Variants in MACROD2 observed in about 807,000 individuals in gnomAD.
MACROD2 encodes ADP-ribose glycohydrolase MACROD2.
Under a neutral mutation model 70.4 loss-of-function variants are expected in MACROD2, and 36 were observed. The observed-to-expected ratio is 0.51, with a 90% CI of 0.39 to 0.68. MACROD2 has a LOEUF of 0.68. MACROD2 is among the 30% of genes least tolerant of loss of function. The pLI is 0.00. For missense variants in MACROD2, 496 were observed against 538.4 expected (o/e 0.92, Z 0.78); for synonymous variants, 172 against 178.8 (o/e 0.96, Z 0.30).
At chr20:14,456,710 G>A (rs1008192294) in intron 3 of MACROD2, among the ~76,000 whole-genome samples, 1 of 127,566 alleles carries the variant, frequency 7.8e-6, no homozygotes, top group African/African-American at 2.7e-5. Context: ...TAAGACTCAG[G>A]ATCTTTTTTT....
chr20:14,246,675 T>C (rs2081970454), intron 3 of MACROD2, among the ~76,000 whole-genome samples: 1 of 152,178 alleles, frequency 6.6e-6, no homozygotes, highest in Admixed American at 6.5e-5. Flanking sequence ...ATTTCCTTTA[T>C]TTACTCTGGT....
At chr20:15,639,986 T>G (rs1450374885) in intron 8 of MACROD2, among the ~76,000 whole-genome samples, 198 of 101,322 alleles carry the variant, frequency 2.0e-3, no homozygotes, top group African/African-American at 3.2e-3. Context: ...AAAGAGGGGG[T>G]GAGAGAGAAG....
chr20:14,479,128 G>C (rs1176157684), intron 3 of MACROD2, among the ~76,000 whole-genome samples: 1 of 152,150 alleles, frequency 6.6e-6, no homozygotes, highest in Non-Finnish European at 1.5e-5. Flanking sequence ...TCTGAGGCCA[G>C]AAGCTTGTTG....
At chr20:14,825,629 G>A (rs1397605658) in intron 5 of MACROD2, among the ~76,000 whole-genome samples, 1 of 152,102 alleles carries the variant, frequency 6.6e-6, no homozygotes, top group Non-Finnish European at 1.5e-5. Context: ...CCTCTTTAAA[G>A]TGGGAGAAGT....
At chr20:14,291,366 T>C (rs1358601480) in intron 3 of MACROD2, among the ~76,000 whole-genome samples, 1 of 152,098 alleles carries the variant, frequency 6.6e-6, no homozygotes. Context: ...GCTTGAGATT[T>C]GGACATAAAT....
chr20:14,367,383 G>A (rs1158606916), intron 3 of MACROD2, among the ~76,000 whole-genome samples: 2 of 152,080 alleles, frequency 1.3e-5, no homozygotes, highest in African/African-American at 2.4e-5. Context: ...ATTTCTTCAC[G>A]TGATTTCAGG....
intron 8 of MACROD2, among the ~76,000 whole-genome samples, chr20:15,746,397 G>T (rs1181228959): frequency 6.6e-6 from 1 of 151,450 alleles, no homozygotes; most frequent in African/African-American, 2.4e-5. Context: ...AAGTTTTTCT[G>T]TACATTATTT....
intron 5 of MACROD2, among the ~76,000 whole-genome samples, chr20:14,830,108 G>A (rs1044031123): frequency 3.3e-5 from 5 of 152,072 alleles, no homozygotes; most frequent in Non-Finnish European, 7.4e-5. Flanking sequence ...AAGATGCAAT[G>A]GGTTTCTAGT....
chr20:14,422,255 A>T (rs1178651857), intron 3 of MACROD2, among the ~76,000 whole-genome samples: 5 of 152,082 alleles, frequency 3.3e-5, no homozygotes, highest in Non-Finnish European at 5.9e-5. Context: ...ATGTAATGTC[A>T]TTTTCCACCT....
At chr20:15,192,067 A>T (rs2076576280) in intron 5 of MACROD2, among the ~76,000 whole-genome samples, 1 of 134,252 alleles carries the variant, frequency 7.4e-6, no homozygotes. Flanking sequence ...TCTATCTAAA[A>T]CTCTCTCTCT....
At chr20:14,186,418 C>G (rs1354796859) in intron 3 of MACROD2, among the ~76,000 whole-genome samples, 1 of 152,116 alleles carries the variant, frequency 6.6e-6, no homozygotes, top group Non-Finnish European at 1.5e-5. Context: ...CCATCTCACA[C>G]CAGTCAGAAT....
chr20:15,828,304 C>A (rs947925713), intron 8 of MACROD2, among the ~76,000 whole-genome samples: 2 of 152,086 alleles, frequency 1.3e-5, no homozygotes, highest in Non-Finnish European at 2.9e-5. Flanking sequence ...CAAGTAGGGT[C>A]ATTTCACATT....
At chr20:14,688,866 G>A (rs771386907) in intron 5 of MACROD2, among the ~76,000 whole-genome samples, 3 of 152,262 alleles carry the variant, frequency 2.0e-5, no homozygotes, top group East Asian at 1.9e-4. Context: ...AGGATCAGAC[G>A]AGTGAATTAT....
intron 3 of MACROD2, among the ~76,000 whole-genome samples, chr20:14,307,047 A>ACACACACAC: frequency 6.9e-6 from 1 of 145,610 alleles, no homozygotes; most frequent in Non-Finnish European, 1.5e-5. Context: ...ACACACACAC[A>ACACACACAC]ATTGACTGTT....
chr20:14,381,678 G>T (rs918297393), intron 3 of MACROD2, among the ~76,000 whole-genome samples: 10 of 152,288 alleles, frequency 6.6e-5, no homozygotes, highest in African/African-American at 2.2e-4. Context: ...TGAATGTGTT[G>T]CATGAAGAAT....
intron 3 of MACROD2, among the ~76,000 whole-genome samples, chr20:14,173,328 G>A (rs917663182): frequency 4.6e-5 from 7 of 151,840 alleles, no homozygotes; most frequent in East Asian, 1.9e-4. Context: ...TTTTCTTTTC[G>A]TCTTTGTTAG....
rs146680625 is a variant in MACROD2, at chr20:15,349,637, T to A, written c.541-81768T>A. Among the ~76,000 whole-genome samples the A allele has an allele frequency of 7.9e-3, 1,200 of 151,536 alleles. 25 individuals are homozygous for A. The highest frequency in any genetic ancestry group is 0.028 in the African/African-American group (1,137 of 41,260). ...TGGGCATGGGGGCACACTCCTGTAA[T>A]CCCAGCTACTCAGGAGGCTAAGGCA... On this transcript the variant is annotated intron_variant, in intron 6 of 17. Transcript: ENST00000684519.
At chr20:15,829,573 T>C (rs2064032819) in intron 8 of MACROD2, among the ~76,000 whole-genome samples, 1 of 152,176 alleles carries the variant, frequency 6.6e-6, no homozygotes, top group African/African-American at 2.4e-5. Context: ...CTCCAGTTGG[T>C]TCCTTCATTC....
At chr20:14,918,624 T>G (rs1448877240) in intron 5 of MACROD2, among the ~76,000 whole-genome samples, 8 of 151,478 alleles carry the variant, frequency 5.3e-5, no homozygotes, top group Non-Finnish European at 1.0e-4. Context: ...TTTGTTTTTT[T>G]TTTTTTTTCT....
Sources: gnomAD v4.1 joint callset for allele counts (sites outside exome capture counted in the v4.1 genomes callset) on GRCh38, gnomAD v4.1.1 for gene constraint, MANE v1.5 for transcripts, NCBI Gene and HGNC (gene_info 2026-07-23, HGNC 2026-07-21) for gene names.